PAPPA2: variants seen among roughly 807,000 people sequenced by gnomAD.
PAPPA2 encodes the protein pappalysin 2, also known as pappalysin-2.
Under a neutral mutation model 176.4 loss-of-function variants are expected in PAPPA2, and 86 were observed. The observed-to-expected ratio is 0.49, with a 90% confidence interval of 0.41 to 0.58. The LOEUF (loss-of-function observed/expected upper bound fraction) is 0.58. PAPPA2 is among the 20% of genes least tolerant of loss of function. The pLI, the probability that PAPPA2 is intolerant of heterozygous loss-of-function variation, is 0.00. For synonymous variants in PAPPA2, 809 were observed against 852.2 expected, an observed-to-expected ratio of 0.95 and a Z score of 0.88; for missense variants, 2,073 against 2,256.9, an observed-to-expected ratio of 0.92 and a Z score of 1.65.
rs919697290 is a variant in PAPPA2 at position 176,516,296 on chromosome 1, G to C, written c.-916-39111G>C. ...ATTCTTTTTTTTTTTTTTTGTGACA[G>C]GCCTTCATATACCTGAAGAAAGTTT... is the stretch of plus-strand genomic sequence containing the variant. On this transcript the variant is annotated intron_variant, in intron 1 of 22. Transcript: ENST00000367662. Among the ~76,000 whole-genome samples, 80 of 149,206 alleles carry C rather than the reference G, an allele frequency of 5.4e-4. 1 individual carries two copies. The highest frequency in any genetic ancestry group is 1.9e-3 in the African/African-American group (76 of 40,590).
chr1:176,554,740 T>C (rs1195954385), intron 1 of PAPPA2, among the ~76,000 whole-genome samples: 3 of 152,226 alleles, frequency 2.0e-5, no homozygotes, highest in Non-Finnish European at 2.9e-5. Flanking sequence ...CTATGTAGTA[T>C]GAATTCATGG....
intron 1 of PAPPA2, among the ~76,000 whole-genome samples, chr1:176,555,118 G>A (rs1242556899): frequency 1.3e-5 from 2 of 152,092 alleles, no homozygotes; most frequent in Non-Finnish European, 2.9e-5. Flanking sequence ...AGCCCGAGAT[G>A]TTTACTGGGG....
intron 14 of PAPPA2, among the ~76,000 whole-genome samples, chr1:176,752,978 T>C (rs938705416): frequency 2.0e-5 from 3 of 152,316 alleles, no homozygotes; most frequent in Middle Eastern, 3.4e-3. Flanking sequence ...CTATTGTTCA[T>C]GGAGAATTCA....
chr1:176,470,229 G>A (rs998982619), intron 1 of PAPPA2, among the ~76,000 whole-genome samples: 1 of 152,168 alleles, frequency 6.6e-6, no homozygotes, highest in African/African-American at 2.4e-5. Flanking sequence ...ACAGAATTAA[G>A]CCAAGAACTC....
At chr1:176,773,658 G>T (rs1040472821) in intron 17 of PAPPA2, among the ~76,000 whole-genome samples, 2 of 152,164 alleles carry the variant, frequency 1.3e-5, no homozygotes, top group African/African-American at 4.8e-5. Flanking sequence ...TTGTTTTGAG[G>T]CTGAATGTCA....
intron 1 of PAPPA2, among the ~76,000 whole-genome samples, chr1:176,512,400 A>T (rs1224178034): frequency 6.6e-6 from 1 of 152,182 alleles, no homozygotes; most frequent in African/African-American, 2.4e-5. Flanking sequence ...CTTTGCAATA[A>T]AAGAAATGAA....
Position 176,699,108 on chromosome 1 carries a change from G to A in PAPPA2, c.2755G>A (p.Asp919Asn), listed in dbSNP as rs1660521124. ...WTPEEAVGPP[D>N]VDQPCEPSLQ... ...TGCTAATCTCCCCCCAGGGCCTCCTGATGTGGATCAGCCCTGCGAGCCAAG... is the reference window on the plus strand; with the variant it reads ...TGCTAATCTCCCCCCAGGGCCTCCTAATGTGGATCAGCCCTGCGAGCCAAG... Residue 919 changes from aspartate (D) to asparagine (N), a missense_variant, in exon 8 of 23, where the codon GAT becomes AAT. Coordinates refer to ENST00000367662, the MANE Select transcript of PAPPA2 (RefSeq NM_020318.3). 1 of 1,611,238 alleles carries A rather than the reference G, an allele frequency of 6.2e-7. No homozygotes were observed. Among genetic ancestry groups the A allele is most frequent in the Non-Finnish European group, 8.5e-7 (1 of 1,178,004 alleles).
At chr1:176,569,008 C>G (rs1439814784) in intron 2 of PAPPA2, among the ~76,000 whole-genome samples, 1 of 152,160 alleles carries the variant, frequency 6.6e-6, no homozygotes, top group Non-Finnish European at 1.5e-5. Flanking sequence ...CCTTTTCAAT[C>G]TCATCACTGA....
At chr1:176,729,805 T>G (rs982572580) in intron 12 of PAPPA2, among the ~76,000 whole-genome samples, 4 of 152,100 alleles carry the variant, frequency 2.6e-5, no homozygotes, top group African/African-American at 9.7e-5. Context: ...ATTTTAGATT[T>G]GAAATTTTAG....
intron 6 of PAPPA2, among the ~76,000 whole-genome samples, chr1:176,694,130 C>T (rs1660249776): frequency 1.3e-5 from 2 of 152,170 alleles, no homozygotes. Context: ...TCCACCCCAG[C>T]AGGTATTTGG....
intron 2 of PAPPA2, among the ~76,000 whole-genome samples, chr1:176,591,637 A>G (rs1324642240): frequency 6.6e-6 from 1 of 152,194 alleles, no homozygotes; most frequent in Non-Finnish European, 1.5e-5. Context: ...TGCTTTGTAA[A>G]TATCTACCAA....
At chr1:176,623,807 C>CTTTCT (rs746043564) in intron 3 of PAPPA2, among the ~76,000 whole-genome samples, 1,474 of 48,368 alleles carry the variant, frequency 0.03, 29 homozygotes, top group South Asian at 0.054. Context: ...TTCTTTCTTT[C>CTTTCT]TTCTTTCTTT....
chr1:176,773,159 C>T (rs984080625), intron 17 of PAPPA2, among the ~76,000 whole-genome samples: 1 of 152,102 alleles, frequency 6.6e-6, no homozygotes, highest in African/African-American at 2.4e-5. Flanking sequence ...TGGGCTTAAA[C>T]GTTGACATTC....
Position 176,690,304 on chromosome 1 carries a change from G to A in PAPPA2, c.2305G>A (p.Asp769Asn). 6.2e-7 allele frequency: 1 copy of A among 1,614,116 alleles called. No homozygotes were observed. Among genetic ancestry groups the A allele is most frequent in the Non-Finnish European group, 8.5e-7 (1 of 1,180,008 alleles). ...GACAGTGCCATCCATGGAAACGGGA[G>A]ACCTCTGTGCCGACACCGCCCCCAC... ...KETVPSMETG[D>N]LCADTAPTPK... The change falls in exon 5 of 23, where the codon GAC (aspartate) becomes AAC (asparagine). Residue 769 changes from aspartate to asparagine, a missense_variant. Physicochemically the swap from Asp to Asn is conservative, Grantham distance 23. Around this residue, in one of 4 missense-constraint regions of PAPPA2, gnomAD observed 1,196 missense variants for 1,330.4 expected, o/e 0.90. Coordinates refer to ENST00000367662, the MANE Select transcript of PAPPA2 (RefSeq NM_020318.3).
intron 14 of PAPPA2, among the ~76,000 whole-genome samples, chr1:176,762,570 C>A (rs1432375180): frequency 6.6e-6 from 1 of 152,150 alleles, no homozygotes; most frequent in African/African-American, 2.4e-5. Flanking sequence ...CTCTGTTTCC[C>A]AGTACTTCCT....
intron 21 of PAPPA2, among the ~76,000 whole-genome samples, chr1:176,815,428 A>G (rs962232234): frequency 3.3e-5 from 5 of 152,152 alleles, no homozygotes; most frequent in African/African-American, 1.2e-4. Context: ...TCCTAACCTC[A>G]GCCTCTCTCA....
At chr1:176,480,953 G>A (rs1652365485) in intron 1 of PAPPA2, among the ~76,000 whole-genome samples, 1 of 152,044 alleles carries the variant, frequency 6.6e-6, no homozygotes, top group African/African-American at 2.4e-5. Context: ...GCATCTGGGA[G>A]TACTCCTCTC....
chr1:176,497,299 T>C (rs1052554005), intron 1 of PAPPA2, among the ~76,000 whole-genome samples: 2 of 152,238 alleles, frequency 1.3e-5, no homozygotes, highest in Non-Finnish European at 2.9e-5. Context: ...AGAATTTATC[T>C]TCACAGTGTT....
At chr1:176,841,727 C>T (rs181119766) in intron 22 of PAPPA2, among the ~76,000 whole-genome samples, 1 of 152,200 alleles carries the variant, frequency 6.6e-6, no homozygotes, top group Admixed American at 6.5e-5. Flanking sequence ...GCAATACAGC[C>T]ACAAACAATG....
Sources: gnomAD v4.1 joint callset for allele counts (sites outside exome capture counted in the v4.1 genomes callset) on GRCh38, gnomAD v4.1.1 for gene constraint, gnomAD v4.1.1 regional missense constraint, MANE v1.5 for transcripts, NCBI Gene and HGNC (gene_info 2026-07-23, HGNC 2026-07-21) for gene names.